The following FSTL5 variants were observed in gnomAD, a reference collection of about 807,000 sequenced individuals.
FSTL5 encodes the protein follistatin like 5, also known as follistatin-related protein 5.
Under a neutral mutation model 89.1 loss-of-function variants are expected in FSTL5, and 62 were observed. That is an observed-to-expected ratio of 0.70 (90% CI 0.57 to 0.86). The LOEUF (loss-of-function observed/expected upper bound fraction) is 0.86. Among genes scored for constraint, FSTL5 ranks in the 40% least tolerant of loss-of-function variants. The pLI is 0.00. For missense variants in FSTL5, 1,057 were observed against 1,001.6 expected (o/e 1.06, Z -0.75); for synonymous variants, 383 against 346.2 (o/e 1.11, Z -1.18).
chr4:162,012,976 G>A (rs1399925313), intron 3 of FSTL5, among the ~76,000 whole-genome samples: 1 of 152,012 alleles, frequency 6.6e-6, no homozygotes, highest in Non-Finnish European at 1.5e-5. Context: ...ATGAGGTCAG[G>A]AGTTCAAGAC....
intron 3 of FSTL5, among the ~76,000 whole-genome samples, chr4:162,013,824 T>A (rs936363085): frequency 5.9e-5 from 9 of 151,946 alleles, no homozygotes; most frequent in Admixed American, 5.9e-4. Flanking sequence ...CTGTTGGTAA[T>A]GGTGGCATTT....
At chr4:161,850,451 T>G (rs925748178) in intron 4 of FSTL5, among the ~76,000 whole-genome samples, 2 of 152,186 alleles carry the variant, frequency 1.3e-5, no homozygotes, top group Non-Finnish European at 2.9e-5. Context: ...CATACTTGAA[T>G]TGTCTCATGC....
chr4:161,986,901 G>A (rs1039921958), intron 3 of FSTL5, among the ~76,000 whole-genome samples: 2 of 152,138 alleles, frequency 1.3e-5, no homozygotes, highest in South Asian at 2.1e-4. Flanking sequence ...GAAAACTACC[G>A]CAGATTGATC....
chr4:161,856,054 G>C lies in FSTL5; in HGVS notation c.409+64350C>G, dbSNP rs1278082775. On this transcript the variant is annotated intron_variant, in intron 4 of 15. Coordinates refer to ENST00000306100, the MANE Select transcript of FSTL5 (RefSeq NM_020116.5). ...ATCCAGGAGCTTATAGTCTTATAGG[G>C]ATAAAATATAAACCATAATTAGCAA... Among the ~76,000 whole-genome samples, 2 of 152,128 alleles carry C rather than the reference G, an allele frequency of 1.3e-5. 1 individual carries two copies. The highest frequency in any genetic ancestry group is 6.8e-3 in the Middle Eastern group (2 of 294).
chr4:161,984,909 G>A (rs1190715650), intron 3 of FSTL5, among the ~76,000 whole-genome samples: 5 of 151,402 alleles, frequency 3.3e-5, no homozygotes, highest in African/African-American at 7.3e-5. Context: ...ATGGGCTTTA[G>A]AATATCTTTG....
intron 4 of FSTL5, among the ~76,000 whole-genome samples, chr4:161,855,363 A>G (rs1256526969): frequency 6.6e-6 from 1 of 152,106 alleles, no homozygotes; most frequent in African/African-American, 2.4e-5. Context: ...GAATACATGG[A>G]AACAAAACAA....
intron 1 of FSTL5, among the ~76,000 whole-genome samples, chr4:162,140,333 T>C (rs891579536): frequency 6.8e-6 from 1 of 146,896 alleles, no homozygotes; most frequent in Non-Finnish European, 1.5e-5. Context: ...TATAGTAACA[T>C]TGTTTTTAAT....
chr4:161,829,587 G>C (rs1730779445), intron 4 of FSTL5, among the ~76,000 whole-genome samples: 1 of 151,952 alleles, frequency 6.6e-6, no homozygotes, highest in African/African-American at 2.4e-5. Flanking sequence ...TTCCAGGTTT[G>C]CTTTGAGCCA....
chr4:161,783,665 CTTTCTTTCTT>C (rs1436395190), intron 4 of FSTL5, among the ~76,000 whole-genome samples: 4 of 37,716 alleles, frequency 1.1e-4, no homozygotes, highest in East Asian at 8.4e-4. Context: ...CTTTCTTTCT[CTTTCTTTCTT>C]TCTCTTTCTT....
intron 3 of FSTL5, among the ~76,000 whole-genome samples, chr4:161,990,940 G>T (rs1055642201): frequency 6.6e-6 from 1 of 152,030 alleles, no homozygotes; most frequent in Non-Finnish European, 1.5e-5. Flanking sequence ...CTCACCTGAA[G>T]ATTAAAACAC....
rs11287729 is a variant in FSTL5, at chr4:161,424,024, CTTTTTTTTTTT to C, written c.1841+30969_1841+30979del. On this transcript the variant is annotated intron_variant, in intron 15 of 15. Coordinates refer to ENST00000306100, the MANE Select transcript of FSTL5 (RefSeq NM_020116.5). ...GGTGCCTGCCAGCACGCCCATCATT[CTTTTTTTTTTT>C]TTTTTTTTTTTTTTTGTATTTTTAG... 5.3e-5 allele frequency among the ~76,000 whole-genome samples: 4 copies of C among 75,380 alleles called. No individual in the cohort carries two copies. The South Asian group carries it at 1.6e-3, about 31-fold the overall frequency. 49.5% of individuals were successfully genotyped at this position (75,380 alleles called of 152,430 possible). A position where few individuals can be genotyped will look rare whatever the true frequency, so the allele number is the denominator to read the frequency against.
At chr4:162,046,777 T>G (rs10517758) in intron 2 of FSTL5, among the ~76,000 whole-genome samples, 36,651 of 152,018 alleles carry the variant, frequency 0.24, 5,131 homozygotes, top group Non-Finnish European at 0.32. Flanking sequence ...TGAAAACTAG[T>G]GAATTTGTAT....
intron 14 of FSTL5, 94 bp from the exon 15 acceptor site, chr4:161,455,222 C>A (rs1205885830): frequency 3.0e-6 from 3 of 1,014,672 alleles, no homozygotes; most frequent in East Asian, 2.9e-5. Flanking sequence ...ATGTTTCTGG[C>A]AGTTGTTTGC....
intron 4 of FSTL5, among the ~76,000 whole-genome samples, chr4:161,822,135 A>G (rs1222041282): frequency 1.3e-5 from 2 of 152,008 alleles, no homozygotes; most frequent in African/African-American, 4.8e-5. Flanking sequence ...TGCAGGAGTA[A>G]GGTGGTATTG....
At position 162,026,496 on chromosome 4, in the gene FSTL5, C is replaced by T. The variant is rs147683584; in HGVS notation, c.160+7129G>A. ...CTAATTTTTGTATTTTTAGTAGAGACGGAATTTCACCATGTTGGCAAGGCT... is the reference window on the plus strand; with the variant it reads ...CTAATTTTTGTATTTTTAGTAGAGATGGAATTTCACCATGTTGGCAAGGCT... On this transcript the variant is annotated intron_variant, in intron 3 of 15. Coordinates refer to ENST00000306100, the MANE Select transcript of FSTL5 (RefSeq NM_020116.5). Among the ~76,000 whole-genome samples, 8 of 151,366 alleles carry T rather than the reference C, an allele frequency of 5.3e-5. No individual in the cohort carries two copies. The East Asian group carries it at 1.4e-3, about 26-fold the overall frequency.
chr4:161,832,111 A>G (rs560484794), intron 4 of FSTL5, among the ~76,000 whole-genome samples: 2 of 152,184 alleles, frequency 1.3e-5, no homozygotes, highest in African/African-American at 4.8e-5. Flanking sequence ...CAGCATGGTA[A>G]ATGTTATGAT....
At chr4:161,906,004 GA>G (rs1462577992) in intron 4 of FSTL5, among the ~76,000 whole-genome samples, 2 of 152,118 alleles carry the variant, frequency 1.3e-5, no homozygotes, top group Middle Eastern at 3.2e-3. Context: ...GTGCCCTGAA[GA>G]AAAGACACAT....
intron 4 of FSTL5, among the ~76,000 whole-genome samples, chr4:161,832,336 A>T (rs1448460874): frequency 6.6e-6 from 1 of 152,112 alleles, no homozygotes; most frequent in Non-Finnish European, 1.5e-5. Flanking sequence ...CGTGGAGTTC[A>T]TTATAAGTAA....
rs189885013 is a variant in FSTL5, at chr4:161,440,952, A to T, written c.1841+14052T>A. 2.0e-3 allele frequency among the ~76,000 whole-genome samples: 309 copies of T among 152,266 alleles called. 1 individual carries two copies. The highest frequency in any genetic ancestry group is 3.7e-3 in the South Asian group (18 of 4,832). ...TTGCCTAATAAATTTTGAGTGTCTAAACATTTACCTACCTGATACTTATAA... is the reference window on the plus strand; with the variant it reads ...TTGCCTAATAAATTTTGAGTGTCTATACATTTACCTACCTGATACTTATAA... On this transcript the variant is annotated intron_variant, in intron 15 of 15. Transcript: ENST00000306100.
Sources: gnomAD v4.1 joint callset for allele counts (sites outside exome capture counted in the v4.1 genomes callset) on GRCh38, gnomAD v4.1.1 for gene constraint, MANE v1.5 for transcripts, NCBI Gene and HGNC (gene_info 2026-07-23, HGNC 2026-07-21) for gene names.